B3GALNT2: variants seen among roughly 807,000 people sequenced by gnomAD.
The protein encoded by B3GALNT2 is UDP-GalNAc:beta-1,3-N-acetylgalactosaminyltransferase 2.
B3GALNT2 carries 53 observed loss-of-function variants against 61.1 expected under a neutral mutation model. That is an observed-to-expected ratio of 0.87 (90% CI 0.70 to 1.09). B3GALNT2 has a LOEUF of 1.09. B3GALNT2 is among the 50% of genes least tolerant of loss of function. The pLI is 0.00. For synonymous variants in B3GALNT2, 223 were observed against 237.4 expected (o/e 0.94, Z 0.56); for missense variants, 544 against 623.0 (o/e 0.87, Z 1.35).
In B3GALNT2 at chr1:235,455,670, GTT is replaced by G. The variant is rs1031208578; in HGVS notation, c.1038_1039del (p.Thr347GlufsTer10). 1.2e-6 allele frequency: 2 copies of G among 1,608,898 alleles called. No homozygotes were observed. The highest frequency in any genetic ancestry group is 2.7e-5 in the African/African-American group (2 of 74,748). On this transcript the variant is annotated frameshift_variant, in exon 9 of 12. Transcript: ENST00000366600. LOFTEE classifies it high-confidence loss of function. ...TGTCTTCAGCAACAAATTGAAGCTC[GTT>G]GTTTCCACAGTCCTGTTGACACAAA... is the stretch of plus-strand genomic sequence containing the variant.
chr1:235,469,533 T>C (rs140950321), intron 6 of B3GALNT2, among the ~76,000 whole-genome samples: 210 of 152,212 alleles, frequency 1.4e-3, no homozygotes, highest in African/African-American at 4.8e-3. Flanking sequence ...TAAATGAAAG[T>C]ACTCAATCTT....
At chr1:235,499,622 G>GA (rs1432833419) in intron 1 of B3GALNT2, among the ~76,000 whole-genome samples, 5 of 152,244 alleles carry the variant, frequency 3.3e-5, no homozygotes, top group Non-Finnish European at 5.9e-5. Context: ...AGATGGACAG[G>GA]AGAAAAGGCA....
At chr1:235,466,875 G>C (rs768159850) in intron 6 of B3GALNT2, among the ~76,000 whole-genome samples, 21 of 152,162 alleles carry the variant, frequency 1.4e-4, no homozygotes, top group Admixed American at 4.6e-4. Context: ...AGATCAGACA[G>C]TTAAGAGTCC....
intron 2 of B3GALNT2, among the ~76,000 whole-genome samples, chr1:235,491,243 T>C (rs1685054020): frequency 6.6e-6 from 1 of 152,188 alleles, no homozygotes; most frequent in Non-Finnish European, 1.5e-5. Context: ...GAAAGACTTT[T>C]GTCACAACTA....
intron 3 of B3GALNT2, among the ~76,000 whole-genome samples, chr1:235,488,631 CCAG>C: frequency 6.0e-5 from 2 of 33,072 alleles, no homozygotes; most frequent in African/African-American, 3.6e-4. Flanking sequence ...TTGCAGTGAG[CCAG>C]TGAGCTGAGA....
intron 5 of B3GALNT2, among the ~76,000 whole-genome samples, chr1:235,472,788 T>TA (rs1388605127): frequency 3.3e-5 from 5 of 152,232 alleles, no homozygotes; most frequent in Admixed American, 1.3e-4. Context: ...TACTTTACAA[T>TA]AATGTCTCAT....
chr1:235,465,386 TA>T (rs1683638365), intron 7 of B3GALNT2: 2 of 317,676 alleles, frequency 6.3e-6, no homozygotes, highest in South Asian at 6.2e-5. Context: ...CAGTAGTTGT[TA>T]GGGGGTGGGG....
rs539701016 is a variant in B3GALNT2 at position 235,457,899 on chromosome 1, CT to C, written c.1025+703del. On this transcript the variant is annotated intron_variant, in intron 8 of 11. Coordinates refer to ENST00000366600, the MANE Select transcript of B3GALNT2 (RefSeq NM_152490.5). ...GCAGAAATGACTCAAAATGAATCAA[CT>C]TTTTTTTTTTTTTTCTTTTTTTTTG... Among the ~76,000 whole-genome samples the C allele has an allele frequency of 4.6e-3, 656 of 142,772 alleles. 2 individuals are homozygous for C. The highest frequency in any genetic ancestry group is 0.015 in the South Asian group (66 of 4,452). The allele number at this position is 142,772 out of a possible 152,430, so 93.7% of individuals were successfully genotyped here. A position where few individuals can be genotyped will look rare whatever the true frequency, so the allele number is the denominator to read the frequency against.
intron 7 of B3GALNT2, 65 bp from the exon 8 acceptor site, chr1:235,458,851 A>T: frequency 7.3e-7 from 1 of 1,361,536 alleles, no homozygotes; most frequent in Non-Finnish European, 9.8e-7. Flanking sequence ...AGAACTGATG[A>T]TGTACACTAA....
the B3GALNT2 span, among the ~76,000 whole-genome samples, chr1:235,440,117 C>T: frequency 6.6e-6 from 1 of 151,974 alleles, no homozygotes; most frequent in Non-Finnish European, 1.5e-5. Context: ...ACTACAGGCG[C>T]CCACCACCAC....
intron 8 of B3GALNT2, among the ~76,000 whole-genome samples, chr1:235,457,849 T>A (rs893989213): frequency 2.0e-5 from 3 of 152,056 alleles, no homozygotes; most frequent in Non-Finnish European, 1.5e-5. Context: ...TTTTATCTAA[T>A]GCTGGCTTGA....
At chr1:235,478,553 G>A (rs950872679) in intron 5 of B3GALNT2, among the ~76,000 whole-genome samples, 3 of 152,044 alleles carry the variant, frequency 2.0e-5, no homozygotes, top group Non-Finnish European at 2.9e-5. Flanking sequence ...TATACCCTTC[G>A]ACCCAACAAT....
chr1:235,475,954 T>C (rs1466342000), intron 5 of B3GALNT2, among the ~76,000 whole-genome samples: 1 of 152,014 alleles, frequency 6.6e-6, no homozygotes, highest in Non-Finnish European at 1.5e-5. Flanking sequence ...CCTCCCAAAG[T>C]GCTGGGAGGA....
intron 11 of B3GALNT2, chr1:235,451,279 A>C (rs941262375): frequency 6.6e-6 from 1 of 152,204 alleles, no homozygotes; most frequent in African/African-American, 2.4e-5. Context: ...GCCTACCCAC[A>C]GCTTGCACTT....
At chr1:235,445,434 G>A (rs71640701), downstream of B3GALNT2, among the ~76,000 whole-genome samples, 19,638 of 152,186 alleles carry the variant, frequency 0.13, 1,620 homozygotes, top group African/African-American at 0.23. Flanking sequence ...TTCGAGACCA[G>A]CCTGAGCAAC....
At chr1:235,443,165 TACACACACAC>T (rs759694992), downstream of B3GALNT2, among the ~76,000 whole-genome samples, 2 of 148,386 alleles carry the variant, frequency 1.3e-5, no homozygotes, top group African/African-American at 2.5e-5. Context: ...TGCATATAAT[TACACACACAC>T]ACACACACAC....
rs1387729710 is a variant in B3GALNT2 at position 235,448,516 on chromosome 1, G to GCAA, written c.*1687_*1689dup. On this transcript the variant is annotated 3_prime_UTR_variant, in exon 12 of 12. Transcript: ENST00000366600. ...TATGACATTAAACTGTCTCTAGATA[G>GCAA]CAACAGTTTGATTCTAAATGGAGAC... 2 of 1,473,010 alleles carry GCAA rather than the reference G, an allele frequency of 1.4e-6. No homozygotes were observed. The highest frequency in any genetic ancestry group is 4.5e-5 in the East Asian group (2 of 44,212). 91.2% of individuals were successfully genotyped at this position (1,473,010 alleles called of 1,614,324 possible).
rs1049699044 is a variant in B3GALNT2 at position 235,484,829 on chromosome 1, G to A, written c.362-314C>T. ...GATATTAAATTTAAGTCAACTGGAA[G>A]GCATCTATTTGGAAGGGTTGGATAA... On this transcript the variant is annotated intron_variant, in intron 3 of 11. Coordinates refer to ENST00000366600, the MANE Select transcript of B3GALNT2 (RefSeq NM_152490.5). Among the ~76,000 whole-genome samples, 5 of 152,172 alleles carry A rather than the reference G, an allele frequency of 3.3e-5. No individual in the cohort carries two copies. The South Asian group carries it at 1.0e-3, about 32-fold the overall frequency.
chr1:235,440,488 G>A, the B3GALNT2 span, among the ~76,000 whole-genome samples: 1 of 151,968 alleles, frequency 6.6e-6, no homozygotes. Context: ...TACCTCCTGG[G>A]TTCAAGTGAT....
Sources: allele counts gnomAD v4.1 joint callset (sites outside exome capture counted in the v4.1 genomes callset), GRCh38; gene constraint gnomAD v4.1.1; transcripts MANE v1.5; gene names NCBI Gene and HGNC (gene_info 2026-07-23, HGNC 2026-07-21).